Variants in BAHCC1 observed in about 807,000 individuals in gnomAD.
BAHCC1 encodes the protein BAH and coiled-coil domain-containing protein 1.
A neutral mutation model predicts 88.2 loss-of-function variants in BAHCC1; 43 were observed. The ratio of observed to expected loss-of-function variants is 0.49; its 90% CI spans 0.38 to 0.63. The LOEUF is 0.63. BAHCC1 is among the 20% of genes least tolerant of loss of function. BAHCC1 has a pLI of 0.00. For missense variants in BAHCC1, 3,023 were observed against 1,654.8 expected, an observed-to-expected ratio of 1.83 and a Z score of -14.34; for synonymous variants, 1,510 against 745.5, an observed-to-expected ratio of 2.03 and a Z score of -16.71.
chr17:81,452,405 A>G (rs1006114127), intron 13 of BAHCC1, among the ~76,000 whole-genome samples: 7 of 146,832 alleles, frequency 4.8e-5, no homozygotes, highest in Admixed American at 1.3e-4. Context: ...ACAGTGGCAG[A>G]AGGGGGAGTA....
intron 22 of BAHCC1, 37 bp from the exon 23 acceptor site, chr17:81,459,445 GCCCTGGGCCAGGCC>G (rs2030048144): frequency 1.3e-6 from 1 of 773,836 alleles, no homozygotes; most frequent in Admixed American, 1.7e-5. Context: ...CTCTCAGGCA[GCCCTGGGCCAGGCC>G]CCACCTGCTC....
chr17:81,460,150 T>C, intron 23 of BAHCC1, 127 bp from the exon 24 acceptor site: 1 of 636,714 alleles, frequency 1.6e-6, no homozygotes, highest in Non-Finnish European at 2.9e-6. Flanking sequence ...CTCCACTGTC[T>C]GTGTGGTCAG....
intron 2 of BAHCC1, chr17:81,421,817 C>T (rs1223003628): frequency 5.1e-6 from 1 of 195,630 alleles, no homozygotes; most frequent in Non-Finnish European, 1.1e-5. Flanking sequence ...GAGGCCACCC[C>T]AGTCCCTTGG....
At position 81,463,967 on chromosome 17, in the gene BAHCC1, T is replaced by G. The variant is rs2030524342; in HGVS notation, c.*150T>G. ...AGCCCACAGGGCAAGACCCAGGCTTTCTTACGGTTTTCCCTGGAAAGAGCG... is the reference window on the plus strand; with the variant it reads ...AGCCCACAGGGCAAGACCCAGGCTTGCTTACGGTTTTCCCTGGAAAGAGCG... On this transcript the variant is annotated 3_prime_UTR_variant, in exon 28 of 28. Coordinates refer to ENST00000675386, the MANE Select transcript of BAHCC1 (RefSeq NM_001377448.1). 1.6e-6 allele frequency: 1 copy of G among 616,656 alleles called. No homozygotes were observed. Among genetic ancestry groups the G allele is most frequent in the African/African-American group, 1.8e-5 (1 of 54,498 alleles). The allele number at this position is 616,656 out of a possible 1,614,324, so 38.2% of individuals were successfully genotyped here. A position where few individuals can be genotyped will look rare whatever the true frequency, so the allele number is the denominator to read the frequency against.
intron 2 of BAHCC1, among the ~76,000 whole-genome samples, chr17:81,425,734 TGGTGATGTGGTTGG>T (rs2064182598): frequency 8.7e-6 from 1 of 115,438 alleles, no homozygotes; most frequent in Non-Finnish European, 1.8e-5. Flanking sequence ...ATGTGGTTGG[TGGTGATGTGGTTGG>T]TGTGATGTGG....
At chr17:81,404,505 C>A (rs1555646566) in intron 2 of BAHCC1, among the ~76,000 whole-genome samples, 1 of 152,170 alleles carries the variant, frequency 6.6e-6, no homozygotes, top group Non-Finnish European at 1.5e-5. Context: ...GGTCATTGTC[C>A]CCTGAGAAGC....
chr17:81,412,729 C>T (rs1567998808), intron 2 of BAHCC1, among the ~76,000 whole-genome samples: 1 of 152,262 alleles, frequency 6.6e-6, no homozygotes, highest in Admixed American at 6.5e-5. Flanking sequence ...GCATGAGTAG[C>T]TGGGGCTCTC....
intron 2 of BAHCC1, among the ~76,000 whole-genome samples, chr17:81,422,190 T>G (rs1281374950): frequency 6.6e-6 from 1 of 152,100 alleles, no homozygotes; most frequent in African/African-American, 2.4e-5. Flanking sequence ...TTCTGTATTT[T>G]TAGTAGAGAC....
At chr17:81,427,090 C>T (rs2064209055) in intron 3 of BAHCC1, 111 bp downstream of exon 3, 6 of 398,306 alleles carry the variant, frequency 1.5e-5, no homozygotes, top group South Asian at 2.6e-4. Context: ...GGAACCTGGC[C>T]GGTGGACGGT....
At chr17:81,408,887 C>T (rs748525154) in intron 2 of BAHCC1, among the ~76,000 whole-genome samples, 2 of 152,230 alleles carry the variant, frequency 1.3e-5, no homozygotes, top group Admixed American at 1.3e-4. Context: ...TTCCTATCCC[C>T]AGAGCTGGGC....
chr17:81,410,842 TG>T, intron 2 of BAHCC1, among the ~76,000 whole-genome samples: 1 of 149,334 alleles, frequency 6.7e-6, no homozygotes, highest in Non-Finnish European at 1.5e-5. Flanking sequence ...GGGGCGGGGG[TG>T]GGGGCTCTCT....
At chr17:81,429,782 G>A (rs2064239531) in intron 3 of BAHCC1, among the ~76,000 whole-genome samples, 1 of 152,224 alleles carries the variant, frequency 6.6e-6, no homozygotes, top group African/African-American at 2.4e-5. Flanking sequence ...TTTCGTTGAG[G>A]GTAGGTAGGC....
chr17:81,396,874 C>T (rs1555644984), intron 1 of BAHCC1: 1 of 152,690 alleles, frequency 6.5e-6, no homozygotes, highest in African/African-American at 2.4e-5. Flanking sequence ...TGCCCGCCGC[C>T]ACTTTTCGCT....
intron 2 of BAHCC1, among the ~76,000 whole-genome samples, chr17:81,416,501 A>G (rs116911758): frequency 0.012 from 84 of 7,180 alleles, no homozygotes; most frequent in African/African-American, 0.021. Context: ...GGGTGTGTGC[A>G]TGTGTGCGTG....
At chr17:81,457,318 G>T (rs1002489964) in intron 16 of BAHCC1, 92 bp from the exon 17 acceptor site, 2 of 671,326 alleles carry the variant, frequency 3.0e-6, no homozygotes, top group East Asian at 2.7e-5. Context: ...TCACAGCCCC[G>T]CCATAACCGC....
At position 81,458,331 on chromosome 17, in the gene BAHCC1, G is replaced by A. The variant is rs782329914; in HGVS notation, c.5208G>A (p.Pro1736=). 13 of 740,846 alleles carry A rather than the reference G, an allele frequency of 1.8e-5. No homozygotes were observed. Among genetic ancestry groups the A allele is most frequent in the Non-Finnish European group, 2.8e-5 (11 of 399,790 alleles). 45.9% of individuals were successfully genotyped at this position (740,846 alleles called of 1,614,324 possible). The stretch of plus-strand genomic sequence containing the variant: ...CCAAGGGCAGCCTGCGGGCAGAGCC[G>A]GGGGCCACCCCCAGCAGGGACGCCC... ...GKAKGSLRAE[P]GATPSRDALF... is the part of the protein sequence containing the mutation. The change falls in exon 18 of 28, where the codon CCG becomes CCA. Residue 1736 remains proline (P), a synonymous_variant. Coordinates refer to ENST00000675386, the MANE Select transcript of BAHCC1 (RefSeq NM_001377448.1).
Position 81,411,258 on chromosome 17 carries a change from C to A in BAHCC1, c.178+11341C>A. The A allele has an allele frequency of 4.1e-6, 2 of 488,328 alleles. No individual in the cohort carries two copies. The highest frequency in any genetic ancestry group is 4.3e-5 in the Admixed American group (2 of 46,458). The allele number at this position is 488,328 out of a possible 1,614,324, so 30.2% of individuals were successfully genotyped here. On this transcript the variant is annotated intron_variant, in intron 2 of 27. Transcript: ENST00000675386. The surrounding 1 kb of genome is among the most constrained non-coding windows in gnomAD (Gnocchi z 6.2). Reference sequence around the variant, plus strand: ...CTCGCCACCCCCAGTTGAGCAGCTCCCCTTCTCGGCAGCTCCCAAACCCTG... The same window carrying A: ...CTCGCCACCCCCAGTTGAGCAGCTCACCTTCTCGGCAGCTCCCAAACCCTG...
Position 81,399,959 on chromosome 17 carries a change from A to G in BAHCC1, c.178+42A>G. On this transcript the variant is annotated intron_variant, in intron 2 of 27. Transcript: ENST00000675386. The surrounding 1 kb of genome is among the most constrained non-coding windows in gnomAD (Gnocchi z 4.5). ...GGCGGGCGCGGGACGGGAGCGTTCG[A>G]GAGCGGAACAGGGCGCCCACCCCTC... The G allele has an allele frequency of 3.9e-6, 5 of 1,284,890 alleles. No individual in the cohort carries two copies. Among genetic ancestry groups the G allele is most frequent in the Non-Finnish European group, 5.0e-6 (5 of 1,007,798 alleles). The allele number at this position is 1,284,890 out of a possible 1,614,324, so 79.6% of individuals were successfully genotyped here.
intron 6 of BAHCC1, 130 bp from the exon 7 acceptor site, chr17:81,444,251 A>G: frequency 1.6e-6 from 1 of 617,066 alleles, no homozygotes; most frequent in East Asian, 2.8e-5. Context: ...AGGGGGTGGG[A>G]CAGGGAGTCA....
Sources: gnomAD v4.1 joint callset for allele counts (sites outside exome capture counted in the v4.1 genomes callset) on GRCh38, gnomAD v4.1.1 for gene constraint, Gnocchi (gnomAD v3.1) non-coding constraint, MANE v1.5 for transcripts, NCBI Gene and HGNC (gene_info 2026-07-23, HGNC 2026-07-21) for gene names.